The following SYNE1 variants were observed in gnomAD, a reference collection of about 807,000 sequenced individuals.
SYNE1 encodes nesprin-1.
SYNE1 carries 616 observed loss-of-function variants against 1,111.0 expected under a neutral mutation model. The observed-to-expected ratio is 0.55, with a 90% CI of 0.52 to 0.59. The LOEUF (loss-of-function observed/expected upper bound fraction) is 0.59. Among genes scored for constraint, SYNE1 ranks in the 20% least tolerant of loss-of-function variants. The pLI, the probability that SYNE1 is intolerant of heterozygous loss-of-function variation, is 0.00. For missense variants in SYNE1, 10,006 were observed against 10,417.0 expected (o/e 0.96, Z 1.72); for synonymous variants, 3,855 against 3,825.8 (o/e 1.01, Z -0.28).
intron 16 of SYNE1, among the ~76,000 whole-genome samples, chr6:152,469,099 G>A (rs967920436): frequency 6.6e-6 from 1 of 152,026 alleles, no homozygotes; most frequent in African/African-American, 2.4e-5. Context: ...GGGGGAGTGT[G>A]GGGGGTGTAA....
chr6:152,464,437 A>G (rs1214413169), intron 18 of SYNE1, among the ~76,000 whole-genome samples: 1 of 152,204 alleles, frequency 6.6e-6, no homozygotes, highest in Admixed American at 6.5e-5. Flanking sequence ...TCTAATCAGA[A>G]AAGCCAAAAT....
At chr6:152,362,609 C>G (rs2096953697) in intron 63 of SYNE1, among the ~76,000 whole-genome samples, 1 of 152,106 alleles carries the variant, frequency 6.6e-6, no homozygotes, top group Non-Finnish European at 1.5e-5. Flanking sequence ...CTGGGGGAGC[C>G]TCAAAGGCAA....
chr6:152,471,556 A>G (rs1472145997), intron 16 of SYNE1, 41 bp downstream of exon 16: 2 of 1,597,182 alleles, frequency 1.3e-6, no homozygotes, highest in East Asian at 2.2e-5. Flanking sequence ...TGCTAAATCC[A>G]TGGCTCATAG....
rs756674030 is a variant in SYNE1 at position 152,140,006 on chromosome 6, G to C, written c.25402C>G (p.Arg8468Gly). ...TGGATGTCAGTGCTGAGTTCCAGAC[G>C]CTGGAGCTGTTCCAACTCCTCCTCC... Reference protein sequence around the residue: ...DTEEELEQLQRLELSTDIQTI... With the variant: ...DTEEELEQLQGLELSTDIQTI... Residue 8468 changes from arginine (R) to glycine (G), a missense_variant, in exon 140 of 146, where the codon CGT becomes GGT. Physicochemically the swap from Arg to Gly is moderately radical, Grantham distance 125. Transcript: ENST00000367255. The C allele has an allele frequency of 6.2e-7, 1 of 1,614,002 alleles. No individual in the cohort carries two copies. The highest frequency in any genetic ancestry group is 8.5e-7 in the Non-Finnish European group (1 of 1,180,050).
rs746576054 is a variant in SYNE1 at position 152,484,950 on chromosome 6, T to C, written c.1070A>G (p.Gln357Arg). The change falls in exon 13 of 146, where the codon CAA becomes CGA. Residue 357 changes from glutamine (Q) to arginine (R), a missense_variant. By Grantham distance (43) the Gln-to-Arg change is conservative. Coordinates refer to ENST00000367255, the MANE Select transcript of SYNE1 (RefSeq NM_182961.4). ...AATCTGTTTCCTCTTCATTTCATAT[T>C]GAACTCTGAAGTGCTTAAATGACTA... ...KYQSFKHFRV[Q>R]YEMKRKQIEH... 6.2e-7 allele frequency: 1 copy of C among 1,612,740 alleles called. No individual in the cohort carries two copies. The highest frequency in any genetic ancestry group is 1.1e-5 in the South Asian group (1 of 90,942).
intron 127 of SYNE1, among the ~76,000 whole-genome samples, chr6:152,195,907 A>G (rs544352233): frequency 3.3e-4 from 50 of 152,226 alleles, no homozygotes; most frequent in African/African-American, 1.2e-3. Flanking sequence ...GGTGGTCGAG[A>G]GATGCCAGGG....
rs769369844 is a variant in SYNE1 at position 152,309,810 on chromosome 6, A to G, written c.17202+25T>C. On this transcript the variant is annotated intron_variant, in intron 90 of 145. Coordinates refer to ENST00000367255, the MANE Select transcript of SYNE1 (RefSeq NM_182961.4). ...CCCATGATTCATCAGCAATTGCTCT[A>G]CTGGTGTGGGTACCCTGCACCTGCC... 8.1e-6 allele frequency: 13 copies of G among 1,612,580 alleles called. No individual in the cohort carries two copies. The East Asian group carries it at 1.8e-4, about 22-fold the overall frequency.
chr6:152,331,040 T>C lies in SYNE1; in HGVS notation c.13645A>G (p.Lys4549Glu), dbSNP rs548863546. Residue 4549 changes from lysine to glutamate, a missense_variant, in exon 78 of 146, where the codon AAG becomes GAG. By Grantham distance (56) the Lys-to-Glu change is moderately conservative. Transcript: ENST00000367255. ...AGTTCTTGTAACCGGTGACTGCACT[T>C]TTGTAAAACACTGTCATAGACACTC... ...LQSVYDSVLQKCSHRLQELEK... is the reference protein window; with the variant it reads ...LQSVYDSVLQECSHRLQELEK... 1 of 1,614,156 alleles carries C rather than the reference T, an allele frequency of 6.2e-7. No homozygotes were observed. The highest frequency in any genetic ancestry group is 2.2e-5 in the East Asian group (1 of 44,872).
intron 3 of SYNE1, among the ~76,000 whole-genome samples, chr6:152,552,763 A>C (rs1385753036): frequency 1.3e-5 from 2 of 152,288 alleles, no homozygotes; most frequent in East Asian, 3.9e-4. Flanking sequence ...CTCAGTGGTT[A>C]ATCCTGCACA....
chr6:152,610,467 G>C (rs925687188), intron 3 of SYNE1, among the ~76,000 whole-genome samples: 1 of 152,084 alleles, frequency 6.6e-6, no homozygotes, highest in Admixed American at 6.6e-5. Flanking sequence ...AAAGAAATGA[G>C]CAAAGCCTAC....
chr6:152,466,511 C>T (rs998281015), intron 16 of SYNE1, among the ~76,000 whole-genome samples: 22 of 152,048 alleles, frequency 1.4e-4, no homozygotes, highest in Admixed American at 5.2e-4. Context: ...AAATAAATGA[C>T]GGTGCACAAA....
chr6:152,323,304 G>A (rs945325153), intron 82 of SYNE1, among the ~76,000 whole-genome samples, 174 bp downstream of exon 82: 1 of 152,200 alleles, frequency 6.6e-6, no homozygotes, highest in Non-Finnish European at 1.5e-5. Context: ...CGGGCGTGGT[G>A]GCGGGCGCCT....
chr6:152,468,101 T>G (rs2098782220), intron 16 of SYNE1, among the ~76,000 whole-genome samples: 2 of 152,170 alleles, frequency 1.3e-5, no homozygotes, highest in African/African-American at 4.8e-5. Context: ...TCAAGAAAAG[T>G]AAATGGCATA....
Position 152,416,576 on chromosome 6 carries a change from T to C in SYNE1, c.5861A>G (p.Gln1954Arg). 6.2e-7 allele frequency: 1 copy of C among 1,614,140 alleles called. No individual in the cohort carries two copies. The highest frequency in any genetic ancestry group is 8.5e-7 in the Non-Finnish European group (1 of 1,180,020). The change falls in exon 41 of 146, where the codon CAG (glutamine) becomes CGG (arginine). Residue 1954 changes from glutamine (Q) to arginine (R), a missense_variant. Physicochemically the swap from Gln to Arg is conservative, Grantham distance 43. Around this residue, in one of 7 missense-constraint regions of SYNE1, gnomAD observed 4,955 missense variants for 5,017.2 expected, o/e 0.99. Transcript: ENST00000367255. Reference protein sequence around the residue: ...QRTSCRATADQLCGEVERIQN... With the variant: ...QRTSCRATADRLCGEVERIQN... The stretch of plus-strand genomic sequence containing the variant: ...GATCCTCTCTACCTCTCCACAGAGC[T>C]GATCAGCCGTGGCTCTGCAGGAAGT...
Position 152,483,097 on chromosome 6 carries a change from A to C in SYNE1, c.1338T>G (p.Leu446=). The C allele has an allele frequency of 1.2e-6, 2 of 1,614,150 alleles. No individual in the cohort carries two copies. The highest frequency in any genetic ancestry group is 2.7e-5 in the African/African-American group (2 of 75,034). The change falls in exon 14 of 146, where the codon CTT becomes CTG. Residue 446 remains leucine, a synonymous_variant. Coordinates refer to ENST00000367255, the MANE Select transcript of SYNE1 (RefSeq NM_182961.4). ...EETANTIQRK[L]EQHKDLLQNT... ...CCAGAATTTTTACCTTATGTTGCTC[A>C]AGTTTCCGTTGTATCGTGTTTGCTG... is the stretch of plus-strand genomic sequence containing the variant.
intron 118 of SYNE1, 120 bp downstream of exon 118, chr6:152,221,306 G>T: frequency 2.3e-6 from 3 of 1,305,200 alleles, no homozygotes; most frequent in Non-Finnish European, 3.2e-6. Flanking sequence ...TGTTGTGAAA[G>T]AGAAGTTTAA....
chr6:152,273,458 G>A (rs2093362232), intron 98 of SYNE1, among the ~76,000 whole-genome samples: 1 of 151,474 alleles, frequency 6.6e-6, no homozygotes. Context: ...ATTTTTTTAA[G>A]TTAAATATTA....
At chr6:152,371,870 A>C (rs1262330512) in intron 59 of SYNE1, among the ~76,000 whole-genome samples, 4,955 of 41,860 alleles carry the variant, frequency 0.12, 396 homozygotes, top group Non-Finnish European at 0.19. Context: ...AAGGAAAGGA[A>C]AGGAAAGGAA....
chr6:152,302,104 C>G, intron 91 of SYNE1, 41 bp from the exon 92 acceptor site: 1 of 1,612,888 alleles, frequency 6.2e-7, no homozygotes, highest in Non-Finnish European at 8.5e-7. Context: ...AGAGCAGCAT[C>G]AAAAGGAAAC....
Sources: gnomAD v4.1 joint callset for allele counts (sites outside exome capture counted in the v4.1 genomes callset) on GRCh38, gnomAD v4.1.1 for gene constraint, gnomAD v4.1.1 regional missense constraint, MANE v1.5 for transcripts, NCBI Gene and HGNC (gene_info 2026-07-23, HGNC 2026-07-21) for gene names.